The following LSP1 variants were observed in gnomAD, a reference collection of about 807,000 sequenced individuals.
The protein encoded by LSP1 is lymphocyte-specific protein 1.
LSP1 carries 32 observed loss-of-function variants against 49.3 expected under a neutral mutation model. The observed-to-expected ratio is 0.65, with a 90% CI of 0.49 to 0.87. The LOEUF (loss-of-function observed/expected upper bound fraction) is 0.87, where lower values mean the gene tolerates loss of function less well. Among genes scored for constraint, LSP1 ranks in the 40% least tolerant of loss-of-function variants. LSP1 has a pLI of 0.00. For missense variants in LSP1, 428 were observed against 442.6 expected, an observed-to-expected ratio of 0.97 and a Z score of 0.30; for synonymous variants, 179 against 178.8, an observed-to-expected ratio of 1.00 and a Z score of -0.01.
chr11:1,886,803 C>T lies in LSP1; in HGVS notation c.789C>T (p.Thr263=). 6.2e-7 allele frequency: 1 copy of T among 1,611,938 alleles called. No homozygotes were observed. Among genetic ancestry groups the T allele is most frequent in the Admixed American group, 1.7e-5 (1 of 60,018 alleles). The stretch of plus-strand genomic sequence containing the variant: ...TGCCCAGCATGGCTGTGGCCAGTAC[C>T]AAGAGTCGGTGGGAGACGGGTGAGG... The part of the protein sequence containing the change: ...IELPSMAVAS[T]KSRWETGEVQ... The change falls in exon 8 of 11, where the codon ACC becomes ACT. Residue 263 remains threonine (T), a synonymous_variant. Transcript: ENST00000311604.
At chr11:1,865,359 C>T (rs879573658) in intron 1 of LSP1, 27 of 469,952 alleles carry the variant, frequency 5.7e-5, no homozygotes, top group East Asian at 1.5e-4. Context: ...CCCCCAGCTT[C>T]GGTAGGCTCT....
chr11:1,885,515 C>A (rs1459571695), intron 7 of LSP1, among the ~76,000 whole-genome samples: 3 of 151,112 alleles, frequency 2.0e-5, no homozygotes, highest in African/African-American at 7.3e-5. Flanking sequence ...TAATGCCTTG[C>A]ACCCAATCAA....
At chr11:1,869,450 G>A (rs1291675898) in intron 1 of LSP1, among the ~76,000 whole-genome samples, 1 of 152,072 alleles carries the variant, frequency 6.6e-6, no homozygotes, top group African/African-American at 2.4e-5. Flanking sequence ...GAGGAGGGAG[G>A]GGGAGCAGAA....
chr11:1,882,756 TGGGCGGG>T (rs1207025267), intron 3 of LSP1, among the ~76,000 whole-genome samples: 1 of 152,198 alleles, frequency 6.6e-6, no homozygotes, highest in East Asian at 1.9e-4. Flanking sequence ...CTGCCCACCT[TGGGCGGG>T]TGGGTCTGGG....
chr11:1,858,160 C>T (rs2133056003), intron 1 of LSP1, among the ~76,000 whole-genome samples: 1 of 152,322 alleles, frequency 6.6e-6, no homozygotes, highest in South Asian at 2.1e-4. Context: ...CTCACAGGGG[C>T]CAAGTGCATT....
chr11:1,874,071 A>AGAGGAGGGAGGCCGGCG, intron 1 of LSP1, among the ~76,000 whole-genome samples: 1 of 40,480 alleles, frequency 2.5e-5, no homozygotes, highest in East Asian at 5.1e-4. Flanking sequence ...GGAGGCCGGC[A>AGAGGAGGGAGGCCGGCG]GAGGAGGGAG....
chr11:1,889,754 C>T (rs1848910837), intron 10 of LSP1: 3 of 653,720 alleles, frequency 4.6e-6, no homozygotes, highest in Non-Finnish European at 8.5e-6. Context: ...GTGAGGACTC[C>T]AGCGAGCGGC....
intron 10 of LSP1, chr11:1,889,086 C>T (rs754878318): frequency 1.0e-5 from 6 of 589,492 alleles, no homozygotes; most frequent in African/African-American, 1.9e-5. Flanking sequence ...CAGCTAGAGC[C>T]TCAGCCCCTT....
At chr11:1,875,756 G>A (rs1274448992) in intron 1 of LSP1, among the ~76,000 whole-genome samples, 2 of 152,282 alleles carry the variant, frequency 1.3e-5, no homozygotes, top group Non-Finnish European at 2.9e-5. Context: ...CCAGGCGTTG[G>A]GGGGCAGGTT....
chr11:1,875,496 G>A (rs1028059834), intron 1 of LSP1, among the ~76,000 whole-genome samples: 1 of 152,210 alleles, frequency 6.6e-6, no homozygotes, highest in African/African-American at 2.4e-5. Context: ...GCTCTTGCCT[G>A]CACCCAGTCC....
intron 7 of LSP1, among the ~76,000 whole-genome samples, chr11:1,886,343 T>C (rs935410711): frequency 1.3e-5 from 2 of 151,212 alleles, no homozygotes; most frequent in Non-Finnish European, 3.0e-5. Context: ...TATCAACACC[T>C]TTCTATACAA....
At chr11:1,891,496 A>G (rs542605) in intron 10 of LSP1, 68,180 of 152,232 alleles carry the variant, frequency 0.45, 16,439 homozygotes, top group East Asian at 0.81. Context: ...TCTAGCTCCC[A>G]GGGTGGGCAG....
intron 1 of LSP1, among the ~76,000 whole-genome samples, chr11:1,868,192 C>T (rs1847857185): frequency 6.6e-6 from 1 of 152,254 alleles, no homozygotes; most frequent in Admixed American, 6.5e-5. Flanking sequence ...GGCCCTGCTA[C>T]CTGTGGGGTC....
intron 1 of LSP1, chr11:1,866,828 G>T (rs534563533): frequency 6.5e-7 from 1 of 1,549,556 alleles, no homozygotes; most frequent in Non-Finnish European, 8.7e-7. Context: ...CCCCTGCCTG[G>T]CTGTGCGGTG....
chr11:1,855,728 C>T (rs1374363190), intron 1 of LSP1, among the ~76,000 whole-genome samples: 1 of 152,222 alleles, frequency 6.6e-6, no homozygotes, highest in Non-Finnish European at 1.5e-5. Context: ...GTCCAGCAGA[C>T]AGTCACTAGC....
intron 3 of LSP1, among the ~76,000 whole-genome samples, chr11:1,881,837 G>A (rs1440276521): frequency 6.6e-6 from 1 of 152,120 alleles, no homozygotes; most frequent in Non-Finnish European, 1.5e-5. Context: ...AGGAGGGGAG[G>A]GAGGAAGAGG....
At chr11:1,864,137 A>G in intron 1 of LSP1, 1 of 976,844 alleles carries the variant, frequency 1.0e-6, no homozygotes, top group Non-Finnish European at 1.2e-6. Flanking sequence ...CAGAGACACC[A>G]GAGGGAAAGG....
Position 1,890,608 on chromosome 11 carries a change from A to T in LSP1, c.*14-1165A>T. The T allele has an allele frequency of 2.9e-6, 2 of 697,150 alleles. 1 individual carries two copies. The highest frequency in any genetic ancestry group is 5.4e-5 in the East Asian group (2 of 37,138). 43.2% of individuals were successfully genotyped at this position (697,150 alleles called of 1,614,324 possible). ...ATGACTGTGTCCTAGGGTGGGAGGGACAGTGGTCAGGCCAGCCCTCCTCCC... is the reference window on the plus strand; with the variant it reads ...ATGACTGTGTCCTAGGGTGGGAGGGTCAGTGGTCAGGCCAGCCCTCCTCCC... On this transcript the variant is annotated intron_variant, in intron 10 of 10. Coordinates refer to ENST00000311604, the MANE Select transcript of LSP1 (RefSeq NM_002339.3).
rs201040841 is a variant in LSP1 at position 1,883,438 on chromosome 11, G to A, written c.376G>A (p.Glu126Lys). Residue 126 changes from glutamate (E) to lysine (K), a missense_variant, in exon 4 of 11, where the codon GAA becomes AAA. Transcript: ENST00000311604. ...QEDRPGLHAY[E>K]KEDSDEVHLE... ...CCACAGGCCCGGCCTGCATGCCTAC[G>A]AAAAGGAGGACAGTGATGAAGTCCA... 64 of 1,614,066 alleles carry A rather than the reference G, an allele frequency of 4.0e-5. No homozygotes were observed. The highest frequency in any genetic ancestry group is 1.7e-4 in the Middle Eastern group (1 of 6,060).
Sources: allele counts gnomAD v4.1 joint callset (sites outside exome capture counted in the v4.1 genomes callset), GRCh38; gene constraint gnomAD v4.1.1; transcripts MANE v1.5; gene names NCBI Gene and HGNC (gene_info 2026-07-23, HGNC 2026-07-21).